The following CACNA1D variants were observed in gnomAD, a reference collection of about 807,000 sequenced individuals.
CACNA1D encodes the protein calcium voltage-gated channel subunit alpha1 D.
In CACNA1D, 55 loss-of-function variants were observed where a neutral mutation model predicts 257.1. The observed-to-expected ratio is 0.21, with a 90% CI of 0.17 to 0.27. The LOEUF is 0.27. Among genes scored for constraint, CACNA1D ranks in the 10% least tolerant of loss-of-function variants. The probability of loss-of-function intolerance (pLI) is 1.00; values close to 1 mark genes in which losing one functional copy is unlikely to be tolerated. For synonymous variants in CACNA1D, 980 were observed against 1,014.9 expected, an observed-to-expected ratio of 0.97 and a Z score of 0.65; for missense variants, 1,876 against 2,784.0, an observed-to-expected ratio of 0.67 and a Z score of 7.34.
chr3:53,757,879 C>T (rs2095275286), intron 29 of CACNA1D, among the ~76,000 whole-genome samples: 2 of 152,348 alleles, frequency 1.3e-5, no homozygotes, highest in East Asian at 3.9e-4. Flanking sequence ...GTCCTCTGCT[C>T]ATGCATCCGT....
At chr3:53,754,312 C>T (rs1010933001) in intron 29 of CACNA1D, among the ~76,000 whole-genome samples, 1 of 152,206 alleles carries the variant, frequency 6.6e-6, no homozygotes, top group African/African-American at 2.4e-5. Flanking sequence ...TTCAGTTCCC[C>T]ACTTGTCAGT....
intron 8 of CACNA1D, among the ~76,000 whole-genome samples, chr3:53,686,433 A>C: frequency 6.6e-6 from 1 of 152,130 alleles, no homozygotes; most frequent in Non-Finnish European, 1.5e-5. Context: ...TTTGGACACA[A>C]AAATTCTCAA....
chr3:53,627,561 A>G (rs2093773595), intron 3 of CACNA1D, among the ~76,000 whole-genome samples: 1 of 132,606 alleles, frequency 7.5e-6, no homozygotes, highest in African/African-American at 2.9e-5. Context: ...GGCTGCCAAC[A>G]TGCTGATGCT....
chr3:53,548,215 T>C (rs1190778533), intron 3 of CACNA1D, among the ~76,000 whole-genome samples: 1 of 152,236 alleles, frequency 6.6e-6, no homozygotes, highest in Non-Finnish European at 1.5e-5. Context: ...TAGAAAGTAC[T>C]ACCTTTGTGG....
intron 26 of CACNA1D, among the ~76,000 whole-genome samples, chr3:53,748,832 G>A (rs1258985149): frequency 6.6e-6 from 1 of 152,160 alleles, no homozygotes; most frequent in Non-Finnish European, 1.5e-5. Context: ...CCTGTTAAGA[G>A]TTCCGCTAGG....
At chr3:53,691,704 T>G (rs1389130242) in intron 8 of CACNA1D, among the ~76,000 whole-genome samples, 12 of 55,422 alleles carry the variant, frequency 2.2e-4, no homozygotes, top group South Asian at 4.1e-4. Flanking sequence ...ATATATTACA[T>G]ATATAATATA....
chr3:53,610,412 C>G (rs145549660), intron 3 of CACNA1D, among the ~76,000 whole-genome samples: 10 of 152,276 alleles, frequency 6.6e-5, no homozygotes, highest in Non-Finnish European at 1.3e-4. Flanking sequence ...TATTTTGAAG[C>G]TTTGCTCCTG....
chr3:53,560,061 CTT>C (rs34438908), intron 3 of CACNA1D, among the ~76,000 whole-genome samples: 2,861 of 102,694 alleles, frequency 0.028, 75 homozygotes, highest in African/African-American at 0.092. Context: ...TTAGGAGTTC[CTT>C]TTTTTTTTTT....
At position 53,753,566 on chromosome 3, in the gene CACNA1D, C is replaced by T. The variant is rs536823643; in HGVS notation, c.3676-6C>T. 1.8e-4 allele frequency: 281 copies of T among 1,569,040 alleles called. 3 individuals carry two copies. In the South Asian group the frequency reaches 2.8e-3, roughly 16 times the overall value. On this transcript the variant is annotated splice_polypyrimidine_tract_variant and splice_region_variant and intron_variant, in intron 28 of 47. Transcript: ENST00000350061. ...CTGAGAACGGTCCCTCTGTCTTCATCCATAGCACTACGAGCAGTCCAAGAT... is the reference window on the plus strand; with the variant it reads ...CTGAGAACGGTCCCTCTGTCTTCATTCATAGCACTACGAGCAGTCCAAGAT...
At chr3:53,559,123 C>T (rs1234848711) in intron 3 of CACNA1D, among the ~76,000 whole-genome samples, 1 of 152,150 alleles carries the variant, frequency 6.6e-6, no homozygotes, top group Non-Finnish European at 1.5e-5. Flanking sequence ...CACATTCACT[C>T]ACTATTCCTG....
At position 53,566,592 on chromosome 3, in the gene CACNA1D, A is replaced by C. The variant is rs146170861; in HGVS notation, c.483+64872A>C. On this transcript the variant is annotated intron_variant, in intron 3 of 47. Transcript: ENST00000350061. ...GAAGTCACTTCCTAGAGGACCAGGG[A>C]CTTTGTCTTTTTAACTGCTGTTTCT... is the stretch of plus-strand genomic sequence containing the variant. Among the ~76,000 whole-genome samples the C allele has an allele frequency of 6.1e-3, 921 of 151,874 alleles. 9 individuals carry two copies. Among genetic ancestry groups the C allele is most frequent in the African/African-American group, 0.021 (868 of 41,402 alleles).
intron 29 of CACNA1D, among the ~76,000 whole-genome samples, chr3:53,759,292 G>T (rs2095285990): frequency 6.6e-6 from 1 of 152,252 alleles, no homozygotes; most frequent in African/African-American, 2.4e-5. Flanking sequence ...TAGGCTGATG[G>T]AAATGGCCTG....
chr3:53,570,999 C>A (rs1319109364), intron 3 of CACNA1D, among the ~76,000 whole-genome samples: 1 of 152,200 alleles, frequency 6.6e-6, no homozygotes, highest in Non-Finnish European at 1.5e-5. Flanking sequence ...GGAACTAGGG[C>A]AAGTCTGCTG....
chr3:53,591,073 C>G (rs961879527), intron 3 of CACNA1D, among the ~76,000 whole-genome samples: 1 of 152,182 alleles, frequency 6.6e-6, no homozygotes, highest in Non-Finnish European at 1.5e-5. Flanking sequence ...CCACATCACT[C>G]AGTCCTGCCT....
chr3:53,629,151 A>G (rs11130374), intron 3 of CACNA1D, among the ~76,000 whole-genome samples: 57,241 of 152,016 alleles, frequency 0.38, 11,392 homozygotes, highest in East Asian at 0.64. Context: ...TGTGGCAGTA[A>G]AGCTTTATTT....
rs770427709 is a variant in CACNA1D at position 53,805,043 on chromosome 3, A to G, written c.5646A>G (p.Arg1882=). The G allele has an allele frequency of 6.2e-7, 1 of 1,614,132 alleles. No individual in the cohort carries two copies. Among genetic ancestry groups the G allele is most frequent in the Non-Finnish European group, 8.5e-7 (1 of 1,179,992 alleles). The part of the protein sequence containing the change: ...PGRNIDSERP[R]GYHHPQGFLE... ...GAAACATCGACTCTGAGAGGCCCCG[A>G]GGCTACCATCATCCCCAAGGATTCT... Residue 1882 remains arginine (R), a synonymous_variant, in exon 45 of 48, where the codon CGA becomes CGG. Coordinates refer to ENST00000350061, the MANE Select transcript of CACNA1D (RefSeq NM_001128840.3).
In CACNA1D at chr3:53,755,136, C is replaced by G. The variant is rs576420480; in HGVS notation, c.3786+1454C>G. Among the ~76,000 whole-genome samples the G allele has an allele frequency of 1.4e-4, 21 of 152,232 alleles. No homozygotes were observed. The South Asian group carries it at 4.1e-3, about 30-fold the overall frequency. On this transcript the variant is annotated intron_variant, in intron 29 of 47. Coordinates refer to ENST00000350061, the MANE Select transcript of CACNA1D (RefSeq NM_001128840.3). ...CTTTACTTCTTTGAACAATATTTGTCTGGACTGATGGAAAAGGTTGCAAAG... is the reference window on the plus strand; with the variant it reads ...CTTTACTTCTTTGAACAATATTTGTGTGGACTGATGGAAAAGGTTGCAAAG...
intron 3 of CACNA1D, among the ~76,000 whole-genome samples, chr3:53,511,169 A>G (rs566450046): frequency 6.6e-6 from 1 of 152,140 alleles, no homozygotes; most frequent in South Asian, 2.1e-4. Context: ...AAATCTCGCT[A>G]TTATTATGGT....
intron 3 of CACNA1D, among the ~76,000 whole-genome samples, chr3:53,537,947 A>AT (rs2092162389): frequency 6.6e-6 from 1 of 152,128 alleles, no homozygotes; most frequent in Admixed American, 6.5e-5. Context: ...CACTGGTGAC[A>AT]TTGAGTCCTT....
Sources: gnomAD v4.1 joint callset for allele counts (sites outside exome capture counted in the v4.1 genomes callset) on GRCh38, gnomAD v4.1.1 for gene constraint, MANE v1.5 for transcripts, NCBI Gene and HGNC (gene_info 2026-07-23, HGNC 2026-07-21) for gene names.